CCDC69: variants seen among roughly 807,000 people sequenced by gnomAD.
CCDC69 encodes coiled-coil domain-containing protein 69.
A neutral mutation model predicts 40.3 loss-of-function variants in CCDC69; 38 were observed. The ratio of observed to expected loss-of-function variants is 0.94; its 90% confidence interval spans 0.73 to 1.24. The LOEUF is 1.24. Among genes scored for constraint, CCDC69 ranks in the 50% most tolerant of loss-of-function variants. CCDC69 has a pLI of 0.00. For missense variants in CCDC69, 389 were observed against 357.9 expected, an observed-to-expected ratio of 1.09 and a Z score of -0.70; for synonymous variants, 141 against 138.9, an observed-to-expected ratio of 1.02 and a Z score of -0.11.
chr5:151,184,808 T>C (rs983896126), intron 7 of CCDC69: 4 of 175,730 alleles, frequency 2.3e-5, no homozygotes, highest in Non-Finnish European at 4.9e-5. Context: ...CTATACGGAA[T>C]GTTTGAGATG....
intron 4 of CCDC69, among the ~76,000 whole-genome samples, chr5:151,196,578 C>T (rs560886540): frequency 7.4e-4 from 113 of 152,270 alleles, no homozygotes; most frequent in African/African-American, 2.6e-3. Flanking sequence ...ATATACATAA[C>T]CTTCTCCAGA....
At chr5:151,211,985 G>A (rs1752957082) in intron 1 of CCDC69, among the ~76,000 whole-genome samples, 1 of 138,612 alleles carries the variant, frequency 7.2e-6, no homozygotes, top group African/African-American at 2.6e-5. Flanking sequence ...TGGAGCAGAC[G>A]GCACCTGCAG....
At chr5:151,205,624 C>CG in intron 1 of CCDC69, 149 bp from the exon 2 acceptor site, 1 of 662,992 alleles carries the variant, frequency 1.5e-6, no homozygotes, top group East Asian at 2.7e-5. Flanking sequence ...GGCTGCCTCG[C>CG]AGCCCCAGGC....
chr5:151,187,259 G>T, intron 5 of CCDC69, 127 bp downstream of exon 5: 1 of 720,774 alleles, frequency 1.4e-6, no homozygotes, highest in South Asian at 1.6e-5. Context: ...TACACAGAAG[G>T]CAATCACCTC....
rs552797960 is a variant in CCDC69 at position 151,216,615 on chromosome 5, C to T, written c.48+7308G>A. ...ATTTTTAGTAGAGACGGGGTTTCACCATGTTGGTCAGGCTGGTCTCAAACT... is the reference window on the plus strand; with the variant it reads ...ATTTTTAGTAGAGACGGGGTTTCACTATGTTGGTCAGGCTGGTCTCAAACT... On this transcript the variant is annotated intron_variant, in intron 1 of 8. Transcript: ENST00000355417. Among the ~76,000 whole-genome samples the T allele has an allele frequency of 1.1e-4, 17 of 151,736 alleles. No homozygotes were observed. The South Asian group carries it at 1.7e-3, about 15-fold the overall frequency.
rs773023950 is a variant in CCDC69, at chr5:151,224,021, G to T, written c.-51C>A. On this transcript the variant is annotated 5_prime_UTR_variant, in exon 1 of 9. Transcript: ENST00000355417. ...GCTTCCCAACTCCGGGGCCCCCAGAGGAGCCTGCGATCCGGGCCCCGCTGC... is the reference window on the plus strand; with the variant it reads ...GCTTCCCAACTCCGGGGCCCCCAGATGAGCCTGCGATCCGGGCCCCGCTGC... 1.3e-6 allele frequency: 2 copies of T among 1,494,292 alleles called. No homozygotes were observed. Among genetic ancestry groups the T allele is most frequent in the Non-Finnish European group, 1.8e-6 (2 of 1,120,108 alleles). 92.6% of individuals were successfully genotyped at this position (1,494,292 alleles called of 1,614,324 possible).
intron 8 of CCDC69, among the ~76,000 whole-genome samples, chr5:151,184,088 A>G (rs542701475): frequency 1.3e-5 from 2 of 152,238 alleles, no homozygotes; most frequent in East Asian, 3.9e-4. Context: ...CCTCCTCCCT[A>G]TATTGGGCTT....
intron 5 of CCDC69, 113 bp from the exon 6 acceptor site, chr5:151,186,237 C>T: frequency 1.3e-6 from 1 of 759,478 alleles, no homozygotes; most frequent in Non-Finnish European, 2.4e-6. Flanking sequence ...CTGTCTTTGG[C>T]TACTCTACAT....
rs755853137 is a variant in CCDC69, at chr5:151,205,431, G to A, written c.93C>T (p.Pro31=). The A allele has an allele frequency of 6.2e-7, 1 of 1,614,062 alleles. No individual in the cohort carries two copies. The highest frequency in any genetic ancestry group is 1.7e-5 in the Admixed American group (1 of 60,008). ...PEPEQPPRPE[P]HELGPLNGDT... ...CCCCATTGAGGGGACCTAATTCATG[G>A]GGCTCTGGTCTGGGTGGCTGTTCTG... Residue 31 remains proline, a synonymous_variant, in exon 2 of 9, where the codon CCC becomes CCT. Transcript: ENST00000355417.
chr5:151,220,454 C>T (rs1252710649), intron 1 of CCDC69, among the ~76,000 whole-genome samples: 2 of 152,172 alleles, frequency 1.3e-5, no homozygotes, highest in Non-Finnish European at 1.5e-5. Context: ...TGTGGTCGAC[C>T]CACAAATGTT....
chr5:151,212,711 C>T (rs1268889369), intron 1 of CCDC69: 1 of 449,284 alleles, frequency 2.2e-6, no homozygotes, highest in African/African-American at 2.0e-5. Context: ...AAGAGTTGGT[C>T]AGCCTTGAGA....
chr5:151,217,220 A>AGTAG (rs1158221767), intron 1 of CCDC69, among the ~76,000 whole-genome samples: 1 of 152,182 alleles, frequency 6.6e-6, no homozygotes, highest in Non-Finnish European at 1.5e-5. Flanking sequence ...AATATAAAGA[A>AGTAG]GTAGGCCCCA....
chr5:151,204,526 T>G (rs1752826419), intron 2 of CCDC69, among the ~76,000 whole-genome samples: 1 of 152,218 alleles, frequency 6.6e-6, no homozygotes, highest in Non-Finnish European at 1.5e-5. Context: ...TCTTTGAGAT[T>G]GTGTTGAATT....
At chr5:151,209,910 A>G (rs1224227701) in intron 1 of CCDC69, among the ~76,000 whole-genome samples, 2 of 152,140 alleles carry the variant, frequency 1.3e-5, no homozygotes, top group African/African-American at 4.8e-5. Context: ...TTATTTATAA[A>G]CATCTTCTTC....
intron 1 of CCDC69, among the ~76,000 whole-genome samples, chr5:151,214,671 A>G (rs1358395258): frequency 6.6e-6 from 1 of 152,166 alleles, no homozygotes; most frequent in Non-Finnish European, 1.5e-5. Flanking sequence ...GCCAGGCTGC[A>G]CCACTCCGCT....
intron 4 of CCDC69, among the ~76,000 whole-genome samples, chr5:151,193,551 G>T (rs192172445): frequency 6.6e-6 from 1 of 151,328 alleles, no homozygotes; most frequent in African/African-American, 2.4e-5. Flanking sequence ...CAGGAGAGGA[G>T]AGGAGAGGGA....
intron 4 of CCDC69, among the ~76,000 whole-genome samples, chr5:151,190,997 C>G (rs1377196428): frequency 2.0e-5 from 3 of 151,676 alleles, no homozygotes; most frequent in Non-Finnish European, 4.4e-5. Flanking sequence ...TTTAAAAACC[C>G]ACCTGATGGG....
intron 1 of CCDC69, among the ~76,000 whole-genome samples, chr5:151,210,001 A>G (rs898324732): frequency 6.6e-6 from 1 of 152,226 alleles, no homozygotes; most frequent in African/African-American, 2.4e-5. Context: ...CACGACCCAG[A>G]GAGAACCCCA....
At position 151,223,909 on chromosome 5, in the gene CCDC69, C is replaced by A; in HGVS notation, c.48+14G>T. 6.3e-7 allele frequency: 1 copy of A among 1,589,084 alleles called. No homozygotes were observed. The highest frequency in any genetic ancestry group is 8.6e-7 in the Non-Finnish European group (1 of 1,169,398). On this transcript the variant is annotated intron_variant, in intron 1 of 8. Transcript: ENST00000355417. ...TCTCCTCTGAAAGCAAACTTCTCCGCCGGCGCCCTTTACCTTTTTCGGGGG... is the reference window on the plus strand; with the variant it reads ...TCTCCTCTGAAAGCAAACTTCTCCGACGGCGCCCTTTACCTTTTTCGGGGG...
Sources: allele counts gnomAD v4.1 joint callset (sites outside exome capture counted in the v4.1 genomes callset), GRCh38; gene constraint gnomAD v4.1.1; transcripts MANE v1.5; gene names NCBI Gene and HGNC (gene_info 2026-07-23, HGNC 2026-07-21).